The following LINC00632 variants were observed in gnomAD, a reference collection of about 807,000 sequenced individuals.
LINC00632 encodes the protein long independently transcribed non-coding RNA 632, also known as ALDOA related specific transcript.
At chrX:140,768,603 A>G (rs1480399794) in intron 3 of LINC00632, among the ~76,000 whole-genome samples, 4 of 95,058 alleles carry the variant, frequency 4.2e-5, no homozygotes, top group South Asian at 4.7e-4. Flanking sequence ...TTATATATAA[A>G]TATATATTTA....
chrX:140,717,696 C>T (rs1425375375), intron 2 of LINC00632, among the ~76,000 whole-genome samples: 1 of 111,744 alleles, frequency 8.9e-6, no homozygotes, highest in Non-Finnish European at 1.9e-5. Flanking sequence ...ATTCAGGTCT[C>T]AGACTGTCTG....
exon 5 of LINC00632, among the ~76,000 whole-genome samples, chrX:140,789,267 C>CT (rs902430700): frequency 2.7e-5 from 3 of 110,021 alleles, no homozygotes; most frequent in African/African-American, 9.9e-5. Context: ...CTACAACTTG[C>CT]TTTTTTCCTG....
chrX:140,726,124 A>C (rs111782180), intron 2 of LINC00632, among the ~76,000 whole-genome samples: 4 of 109,973 alleles, frequency 3.6e-5, no homozygotes, highest in Admixed American at 9.7e-5. Flanking sequence ...ATAAAAAAAA[A>C]CCACAAAGAC....
At chrX:140,723,803 CACAT>C (rs1204908159) in intron 2 of LINC00632, among the ~76,000 whole-genome samples, 20 of 472 alleles carry the variant, frequency 0.042, no homozygotes, top group South Asian at 0.4. Flanking sequence ...CATACACACA[CACAT>C]ACACAGACAC....
intron 3 of LINC00632, among the ~76,000 whole-genome samples, chrX:140,748,847 T>A (rs1569352661): frequency 1.1e-5 from 1 of 93,131 alleles, no homozygotes; most frequent in East Asian, 3.2e-4. Flanking sequence ...TATATATATT[T>A]TATATATATG....
chrX:140,787,284 A>T (rs1932032165), exon 5 of LINC00632, among the ~76,000 whole-genome samples: 1 of 111,781 alleles, frequency 8.9e-6, no homozygotes, highest in Admixed American at 9.6e-5. Flanking sequence ...TCTTGTACAA[A>T]ATGTAATCAT....
intron 2 of LINC00632, among the ~76,000 whole-genome samples, chrX:140,717,955 G>A (rs933357180): frequency 9.1e-6 from 1 of 110,156 alleles, no homozygotes; most frequent in Non-Finnish European, 1.9e-5. Context: ...TGACCAACAT[G>A]GAGAAACCCC....
At chrX:140,776,040 G>A (rs898468310) in exon 5 of LINC00632, among the ~76,000 whole-genome samples, 2 of 111,960 alleles carry the variant, frequency 1.8e-5, no homozygotes, top group Non-Finnish European at 3.8e-5. Flanking sequence ...TCTGACAAAG[G>A]TCTAATATCC....
chrX:140,737,569 T>G (rs1931163931), intron 3 of LINC00632, among the ~76,000 whole-genome samples: 1 of 111,685 alleles, frequency 9.0e-6, no homozygotes, highest in Non-Finnish European at 1.9e-5. Context: ...ATTCCTTCTA[T>G]TTAACTGTGT....
Position 140,732,553 on chromosome X carries a change from C to T in LINC00632, n.105-1325C>T, listed in dbSNP as rs182766609. 2.9e-3 allele frequency among the ~76,000 whole-genome samples: 325 copies of T among 111,467 alleles called. 1 individual carries two copies. Among genetic ancestry groups the T allele is most frequent in the African/African-American group, 9.8e-3 (302 of 30,677 alleles). ...CCACACTGTTCTACAAATCTATGTT[C>T]GTGACATACAAGTCCTAAATGCACA... On this transcript the variant is annotated intron_variant and non_coding_transcript_variant, in intron 2 of 4. Transcript: ENST00000648200.
chrX:140,775,272 C>T (rs1156801897), exon 5 of LINC00632, among the ~76,000 whole-genome samples: 1 of 111,897 alleles, frequency 8.9e-6, no homozygotes, highest in East Asian at 2.8e-4. Flanking sequence ...TTTCATAATT[C>T]CATATATTTA....
chrX:140,783,714 G>A (rs1931969901), exon 5 of LINC00632: 2 of 1,210,744 alleles, frequency 1.7e-6, no homozygotes, highest in Non-Finnish European at 2.2e-6. Context: ...ACCAAATCCA[G>A]GTCTTCCAGT....
intron 3 of LINC00632, among the ~76,000 whole-genome samples, chrX:140,753,014 A>G (rs1602746513): frequency 8.9e-6 from 1 of 112,274 alleles, no homozygotes; most frequent in African/African-American, 3.2e-5. Flanking sequence ...AGTTTCTGAT[A>G]TATTTGGCTA....
intron 2 of LINC00632, among the ~76,000 whole-genome samples, chrX:140,719,896 TG>T (rs1930698027): frequency 9.2e-6 from 1 of 108,849 alleles, no homozygotes; most frequent in Admixed American, 9.9e-5. Context: ...GAGACCAGCC[TG>T]GCCAACATGG....
At chrX:140,724,964 GAGACACATTCCATTACACACACTC>G (rs1292363729) in intron 2 of LINC00632, among the ~76,000 whole-genome samples, 2 of 31,999 alleles carry the variant, frequency 6.3e-5, no homozygotes, top group African/African-American at 2.8e-4. Context: ...TACACACACA[GAGACACATTCCATTACACACACTC>G]AGACACATTC....
chrX:140,712,320 G>T (rs1930531268), intron 2 of LINC00632: 1 of 106,917 alleles, frequency 9.4e-6, no homozygotes, highest in Non-Finnish European at 1.9e-5. Flanking sequence ...ACGGTTTCAG[G>T]TGTGCTATTC....
At chrX:140,728,005 C>A (rs1056827304) in intron 2 of LINC00632, among the ~76,000 whole-genome samples, 1 of 111,489 alleles carries the variant, frequency 9.0e-6, no homozygotes, top group African/African-American at 3.3e-5. Flanking sequence ...CCTTGGGAGG[C>A]CGAGACGGGC....
intron 3 of LINC00632, among the ~76,000 whole-genome samples, chrX:140,763,040 C>T (rs1931627597): frequency 9.0e-6 from 1 of 111,449 alleles, no homozygotes; most frequent in South Asian, 3.7e-4. Flanking sequence ...TACTAAAAAT[C>T]CATGTGATAT....
chrX:140,726,625 G>T (rs1459055421), intron 2 of LINC00632, among the ~76,000 whole-genome samples: 1 of 111,412 alleles, frequency 9.0e-6, no homozygotes, highest in East Asian at 2.8e-4. Flanking sequence ...GCAATGCACA[G>T]AATTCCATAA....
Sources: gnomAD v4.1 joint callset for allele counts (sites outside exome capture counted in the v4.1 genomes callset) on GRCh38, gnomAD v4.1.1 for gene constraint, MANE v1.5 for transcripts, NCBI Gene and HGNC (gene_info 2026-07-23, HGNC 2026-07-21) for gene names.